Variants in WDR70 observed in about 807,000 individuals in gnomAD.
WDR70 encodes the protein WD repeat-containing protein 70.
WDR70 carries 53 observed loss-of-function variants against 88.6 expected under a neutral mutation model. The observed-to-expected ratio is 0.60, with a 90% CI of 0.48 to 0.75. The LOEUF is 0.75. WDR70 is among the 30% of genes least tolerant of loss of function. The pLI, the probability that WDR70 is intolerant of heterozygous loss-of-function variation, is 0.00. For missense variants in WDR70, 610 were observed against 823.2 expected, an observed-to-expected ratio of 0.74 and a Z score of 3.17; for synonymous variants, 280 against 270.0, an observed-to-expected ratio of 1.04 and a Z score of -0.36.
Position 37,528,907 on chromosome 5 carries a change from G to GTTTTTTTTTTTTTTTTTTTTTTTTTTTT in WDR70, c.917+12317_917+12318insTTTTTTTTTTTTTTTTTTTTTTTTTTTT, listed in dbSNP as rs140383817. Among the ~76,000 whole-genome samples, 3 of 130,704 alleles carry GTTTTTTTTTTTTTTTTTTTTTTTTTTTT rather than the reference G, an allele frequency of 2.3e-5. 1 individual carries two copies. Among genetic ancestry groups the GTTTTTTTTTTTTTTTTTTTTTTTTTTTT allele is most frequent in the Non-Finnish European group, 3.2e-5 (2 of 61,886 alleles). 85.7% of individuals were successfully genotyped at this position (130,704 alleles called of 152,430 possible). On this transcript the variant is annotated intron_variant, in intron 9 of 17. Coordinates refer to ENST00000265107, the MANE Select transcript of WDR70 (RefSeq NM_018034.4). ...TTTGCCTAAGCCAATGTCTAGAGGG[G>GTTTTTTTTTTTTTTTTTTTTTTTTTTTT]GTTTTTTTTTTTTTTTGATGTTATC...
chr5:37,525,810 G>T (rs576533483), intron 9 of WDR70, among the ~76,000 whole-genome samples: 1 of 152,018 alleles, frequency 6.6e-6, no homozygotes, highest in Non-Finnish European at 1.5e-5. Context: ...TATCACCACC[G>T]ATCTCACAGA....
At position 37,528,128 on chromosome 5, in the gene WDR70, G is replaced by C. The variant is rs183350420; in HGVS notation, c.917+11538G>C. Among the ~76,000 whole-genome samples, 195 of 152,194 alleles carry C rather than the reference G, an allele frequency of 1.3e-3. 1 individual carries two copies. Among genetic ancestry groups the C allele is most frequent in the African/African-American group, 4.6e-3 (190 of 41,516 alleles). On this transcript the variant is annotated intron_variant, in intron 9 of 17. Transcript: ENST00000265107. Reference sequence around the variant, plus strand: ...ATTTGACCCAGCCATCCCATTACTGGGTATATACCCAAAGGATTATAAATC... The same window carrying C: ...ATTTGACCCAGCCATCCCATTACTGCGTATATACCCAAAGGATTATAAATC...
intron 6 of WDR70, among the ~76,000 whole-genome samples, chr5:37,441,301 G>A (rs1032164217): frequency 4.6e-5 from 7 of 152,140 alleles, no homozygotes; most frequent in Non-Finnish European, 1.0e-4. Flanking sequence ...AAATGACTTT[G>A]TTTTCACTTG....
At chr5:37,693,993 C>T (rs1222962930) in intron 10 of WDR70, among the ~76,000 whole-genome samples, 1 of 152,108 alleles carries the variant, frequency 6.6e-6, no homozygotes, top group Non-Finnish European at 1.5e-5. Context: ...ACAAAGAACT[C>T]AAACAAATTT....
intron 10 of WDR70, among the ~76,000 whole-genome samples, chr5:37,615,771 A>G (rs1336532803): frequency 1.3e-5 from 2 of 152,076 alleles, no homozygotes; most frequent in African/African-American, 4.8e-5. Flanking sequence ...TATTTTTATT[A>G]TTTTTCCGTT....
intron 8 of WDR70, among the ~76,000 whole-genome samples, chr5:37,503,568 C>G (rs1236295990): frequency 6.6e-6 from 1 of 152,176 alleles, no homozygotes; most frequent in Non-Finnish European, 1.5e-5. Context: ...TGGCCTCCAG[C>G]TCCATCCACA....
intron 7 of WDR70, among the ~76,000 whole-genome samples, chr5:37,468,054 T>G (rs1739213790): frequency 6.6e-6 from 1 of 152,044 alleles, no homozygotes; most frequent in Non-Finnish European, 1.5e-5. Context: ...TTTTACCATG[T>G]TAACCAGGAT....
At chr5:37,589,906 G>A (rs1345910467) in intron 9 of WDR70, among the ~76,000 whole-genome samples, 1 of 152,194 alleles carries the variant, frequency 6.6e-6, no homozygotes, top group Non-Finnish European at 1.5e-5. Flanking sequence ...CTAACTTCTT[G>A]CTGCTTGATT....
chr5:37,585,768 GACACATT>G (rs1371817193), intron 9 of WDR70, among the ~76,000 whole-genome samples: 3 of 152,114 alleles, frequency 2.0e-5, no homozygotes, highest in Non-Finnish European at 4.4e-5. Flanking sequence ...CTGACTTTGG[GACACATT>G]GCTTGGGTTC....
intron 10 of WDR70, chr5:37,619,921 T>G (rs1167976751): frequency 6.7e-6 from 1 of 149,290 alleles, no homozygotes; most frequent in Non-Finnish European, 1.5e-5. Context: ...TACCAGGTTT[T>G]TTTTTTTTTT....
At chr5:37,646,401 G>A (rs377383678) in intron 10 of WDR70, among the ~76,000 whole-genome samples, 13 of 152,050 alleles carry the variant, frequency 8.5e-5, no homozygotes, top group African/African-American at 3.1e-4. Flanking sequence ...CACAATTGCA[G>A]TGTTTTAATA....
At chr5:37,677,615 T>C (rs905165114) in intron 10 of WDR70, among the ~76,000 whole-genome samples, 1 of 152,256 alleles carries the variant, frequency 6.6e-6, no homozygotes, top group Non-Finnish European at 1.5e-5. Flanking sequence ...TGTTATAATT[T>C]CTATTCTTTT....
intron 10 of WDR70, among the ~76,000 whole-genome samples, chr5:37,622,985 A>C (rs1744558608): frequency 6.6e-6 from 1 of 152,094 alleles, no homozygotes; most frequent in Non-Finnish European, 1.5e-5. Context: ...AAATAAAACA[A>C]TCATTAGCCA....
intron 9 of WDR70, among the ~76,000 whole-genome samples, chr5:37,574,878 T>A (rs1328285227): frequency 6.6e-6 from 1 of 152,210 alleles, no homozygotes; most frequent in Non-Finnish European, 1.5e-5. Flanking sequence ...CTGTTGTACA[T>A]CTAAAATATA....
intron 7 of WDR70, among the ~76,000 whole-genome samples, chr5:37,457,260 T>G (rs1738871324): frequency 6.6e-6 from 1 of 152,176 alleles, no homozygotes; most frequent in Non-Finnish European, 1.5e-5. Context: ...CATGCCTGGC[T>G]AATATTTGGA....
chr5:37,697,817 T>C (rs535799770), intron 11 of WDR70, 63 bp downstream of exon 11: 3 of 1,419,218 alleles, frequency 2.1e-6, no homozygotes, highest in African/African-American at 1.4e-5. Flanking sequence ...TTAACAAATA[T>C]GACAATAATA....
intron 14 of WDR70, chr5:37,721,573 A>G (rs888330467): frequency 8.2e-5 from 16 of 194,830 alleles, no homozygotes; most frequent in African/African-American, 3.0e-4. Context: ...AACCACTTAC[A>G]GGAAATGGAA....
intron 8 of WDR70, among the ~76,000 whole-genome samples, chr5:37,514,477 G>A (rs1740827023): frequency 6.6e-6 from 1 of 150,416 alleles, no homozygotes; most frequent in Non-Finnish European, 1.5e-5. Flanking sequence ...TTGCTGCACA[G>A]ATCAACCCGT....
intron 9 of WDR70, among the ~76,000 whole-genome samples, chr5:37,519,420 G>C (rs1274479127): frequency 1.4e-5 from 2 of 145,294 alleles, no homozygotes; most frequent in Admixed American, 1.4e-4. Context: ...CTTCCCAGAC[G>C]GGGCGGCCGG....
Sources: gnomAD v4.1 joint callset for allele counts (sites outside exome capture counted in the v4.1 genomes callset) on GRCh38, gnomAD v4.1.1 for gene constraint, MANE v1.5 for transcripts, NCBI Gene and HGNC (gene_info 2026-07-23, HGNC 2026-07-21) for gene names.